ARHGEF12: variants seen among roughly 807,000 people sequenced by gnomAD.
ARHGEF12 encodes the protein KMT2A/ARHGEF12 fusion protein.
Under a neutral mutation model 211.2 loss-of-function variants are expected in ARHGEF12, and 66 were observed. The ratio of observed to expected loss-of-function variants is 0.31; its 90% CI spans 0.26 to 0.38. The LOEUF (loss-of-function observed/expected upper bound fraction) is 0.38. ARHGEF12 is among the 10% of genes least tolerant of loss of function. The pLI, the probability that ARHGEF12 is intolerant of heterozygous loss-of-function variation, is 1.00. For synonymous variants in ARHGEF12, 592 were observed against 638.4 expected (o/e 0.93, Z 1.09); for missense variants, 1,429 against 1,869.5 (o/e 0.76, Z 4.34).
rs55872248 is a variant in ARHGEF12, at chr11:120,342,950, C to T, written c.32+5675C>T. ...TATTTTTTCCAGTGGTTTTTCAGTTCGTTATCTTAAATTGTAGGTCAAAAC... is the reference window on the plus strand; with the variant it reads ...TATTTTTTCCAGTGGTTTTTCAGTTTGTTATCTTAAATTGTAGGTCAAAAC... On this transcript the variant is annotated intron_variant, in intron 1 of 40. Coordinates refer to ENST00000397843, the MANE Select transcript of ARHGEF12 (RefSeq NM_015313.3). Among the ~76,000 whole-genome samples, 385 of 152,138 alleles carry T rather than the reference C, an allele frequency of 2.5e-3. 1 individual carries two copies. Among genetic ancestry groups the T allele is most frequent in the African/African-American group, 8.6e-3 (358 of 41,520 alleles).
chr11:120,442,463 T>TACACAC (rs3074753), intron 15 of ARHGEF12, among the ~76,000 whole-genome samples: 2 of 146,006 alleles, frequency 1.4e-5, no homozygotes, highest in East Asian at 4.0e-4. Context: ...CACATATATA[T>TACACAC]ACACACACAC....
At chr11:120,358,098 G>C (rs999241168) in intron 1 of ARHGEF12, among the ~76,000 whole-genome samples, 2 of 152,086 alleles carry the variant, frequency 1.3e-5, no homozygotes, top group Non-Finnish European at 2.9e-5. Flanking sequence ...CAGTCAGAGA[G>C]GCAGTAAGCG....
chr11:120,446,865 G>A, intron 17 of ARHGEF12, 83 bp from the exon 18 acceptor site: 1 of 1,496,392 alleles, frequency 6.7e-7, no homozygotes, highest in Non-Finnish European at 9.0e-7. Context: ...AGAAACCATA[G>A]CTGTGAAGAC....
chr11:120,393,960 C>A (rs1944295792), intron 1 of ARHGEF12, among the ~76,000 whole-genome samples: 1 of 151,620 alleles, frequency 6.6e-6, no homozygotes, highest in African/African-American at 2.4e-5. Context: ...GGATTCAAGT[C>A]ATACAAAGTA....
At chr11:120,364,220 A>G (rs1943359652) in intron 1 of ARHGEF12, among the ~76,000 whole-genome samples, 1 of 152,198 alleles carries the variant, frequency 6.6e-6, no homozygotes, top group South Asian at 2.1e-4. Context: ...TTGGGCACCA[A>G]ACAAAAAAAA....
chr11:120,414,711 T>C (rs777110518), intron 4 of ARHGEF12, among the ~76,000 whole-genome samples: 12 of 152,166 alleles, frequency 7.9e-5, no homozygotes, highest in Non-Finnish European at 1.3e-4. Context: ...ACGGAAGAAG[T>C]ATTACTAGGA....
intron 1 of ARHGEF12, among the ~76,000 whole-genome samples, chr11:120,350,620 T>G (rs1942906738): frequency 6.8e-6 from 1 of 146,920 alleles, no homozygotes; most frequent in Admixed American, 6.7e-5. Context: ...TGTGGTTACT[T>G]TCTATCACAT....
At chr11:120,341,161 G>A (rs1189111268) in intron 1 of ARHGEF12, among the ~76,000 whole-genome samples, 3 of 151,972 alleles carry the variant, frequency 2.0e-5, no homozygotes, top group African/African-American at 4.8e-5. Context: ...AGGTTCAAGC[G>A]GTTCTCCTGC....
intron 1 of ARHGEF12, among the ~76,000 whole-genome samples, chr11:120,374,032 C>G (rs937150359): frequency 6.6e-6 from 1 of 152,162 alleles, no homozygotes; most frequent in African/African-American, 2.4e-5. Context: ...GGCTCGAACT[C>G]CCGACCTCAG....
intron 26 of ARHGEF12, 78 bp from the exon 27 acceptor site, chr11:120,460,594 A>AT: frequency 8.1e-7 from 1 of 1,230,996 alleles, no homozygotes; most frequent in Non-Finnish European, 1.2e-6. Flanking sequence ...AAAAAAAAAA[A>AT]ATTAGCTACT....
intron 1 of ARHGEF12, among the ~76,000 whole-genome samples, chr11:120,370,370 A>AGTAAT (rs749237442): frequency 6.6e-6 from 1 of 152,128 alleles, no homozygotes; most frequent in Non-Finnish European, 1.5e-5. Flanking sequence ...CCGACACCAA[A>AGTAAT]CTGTTCAGAT....
chr11:120,404,676 A>G (rs1944645223), intron 1 of ARHGEF12, among the ~76,000 whole-genome samples: 1 of 152,198 alleles, frequency 6.6e-6, no homozygotes, highest in South Asian at 2.1e-4. Flanking sequence ...TGGATGTTGC[A>G]GTCCCTGACG....
chr11:120,398,906 T>C (rs968073274), intron 1 of ARHGEF12, among the ~76,000 whole-genome samples: 3 of 152,174 alleles, frequency 2.0e-5, no homozygotes, highest in Non-Finnish European at 4.4e-5. Context: ...ATAATACATT[T>C]CTTATATAAT....
chr11:120,425,905 A>G (rs1176098596), intron 7 of ARHGEF12, among the ~76,000 whole-genome samples: 1 of 152,184 alleles, frequency 6.6e-6, no homozygotes, highest in Non-Finnish European at 1.5e-5. Context: ...TTTGTGATCA[A>G]TCAGAATCAC....
intron 36 of ARHGEF12, among the ~76,000 whole-genome samples, chr11:120,477,892 G>GAAAAGAAAT (rs774440848): frequency 4.1e-4 from 59 of 143,086 alleles, no homozygotes; most frequent in African/African-American, 5.2e-4. Flanking sequence ...AGAAAAAAAA[G>GAAAAGAAAT]AAAATAAAAT....
At chr11:120,353,052 C>G (rs1408264650) in intron 1 of ARHGEF12, among the ~76,000 whole-genome samples, 1 of 152,218 alleles carries the variant, frequency 6.6e-6, no homozygotes, top group Non-Finnish European at 1.5e-5. Context: ...TCAGGACCTC[C>G]TCATCCCTTT....
intron 29 of ARHGEF12, among the ~76,000 whole-genome samples, chr11:120,468,804 T>C (rs1476952569): frequency 6.6e-6 from 1 of 152,230 alleles, no homozygotes; most frequent in Non-Finnish European, 1.5e-5. Flanking sequence ...CTATTTTCTT[T>C]CTTTAAATAT....
intron 1 of ARHGEF12, among the ~76,000 whole-genome samples, chr11:120,365,226 T>C (rs1943391880): frequency 2.6e-5 from 4 of 152,350 alleles, no homozygotes; most frequent in South Asian, 2.1e-4. Context: ...CACTTTTGTT[T>C]TTAAGTGAAA....
chr11:120,462,576 A>G lies in ARHGEF12; in HGVS notation c.2613+1819A>G, dbSNP rs529719897. ...AAAAAATGGAGTATCTGCAAAGTAC[A>G]ATAAAAATGTGAGGTATGCCTGTAC... On this transcript the variant is annotated intron_variant, in intron 27 of 40. Coordinates refer to ENST00000397843, the MANE Select transcript of ARHGEF12 (RefSeq NM_015313.3). 6.6e-5 allele frequency: 10 copies of G among 152,332 alleles called. No homozygotes were observed. In the East Asian group the frequency reaches 1.7e-3, roughly 26 times the overall value. The allele number at this position is 152,332 out of a possible 1,614,324, so 9.4% of individuals were successfully genotyped here. A position where few individuals can be genotyped will look rare whatever the true frequency, so the allele number is the denominator to read the frequency against.
Sources: gnomAD v4.1 joint callset for allele counts (sites outside exome capture counted in the v4.1 genomes callset) on GRCh38, gnomAD v4.1.1 for gene constraint, MANE v1.5 for transcripts, NCBI Gene and HGNC (gene_info 2026-07-23, HGNC 2026-07-21) for gene names.